Variants in MALRD1 observed in about 807,000 individuals in gnomAD.
The protein encoded by MALRD1 is MAM and LDL-receptor class A domain-containing protein 1.
In MALRD1, 247 loss-of-function variants were observed where a neutral mutation model predicts 242.1. The observed-to-expected ratio is 1.02, with a 90% CI of 0.92 to 1.13. The LOEUF is 1.13. Among genes scored for constraint, MALRD1 ranks in the 50% most tolerant of loss-of-function variants. The probability of loss-of-function intolerance (pLI) is 0.00; values close to 1 mark genes in which losing one functional copy is unlikely to be tolerated. For synonymous variants in MALRD1, 995 were observed against 866.6 expected, an observed-to-expected ratio of 1.15 and a Z score of -2.60; for missense variants, 2,989 against 2,533.1, an observed-to-expected ratio of 1.18 and a Z score of -3.86.
intron 5 of MALRD1, among the ~76,000 whole-genome samples, chr10:19,111,900 G>A (rs142095136): frequency 0.01 from 1,524 of 152,288 alleles, 7 homozygotes; most frequent in Non-Finnish European, 0.015. Flanking sequence ...AAAACATAAA[G>A]CATTATGGGA....
At chr10:19,114,067 C>G (rs969398660) in intron 5 of MALRD1, among the ~76,000 whole-genome samples, 1 of 152,028 alleles carries the variant, frequency 6.6e-6, no homozygotes, top group African/African-American at 2.4e-5. Context: ...TGCTCTATTC[C>G]ATAAAAAAGC....
intron 32 of MALRD1, among the ~76,000 whole-genome samples, chr10:19,562,369 A>G (rs1227715202): frequency 6.6e-6 from 1 of 152,048 alleles, no homozygotes; most frequent in Non-Finnish European, 1.5e-5. Context: ...ATCTAGATAG[A>G]TAGAGAACTT....
At chr10:19,728,708 T>C (rs1243115882) in intron 38 of MALRD1, among the ~76,000 whole-genome samples, 1 of 152,234 alleles carries the variant, frequency 6.6e-6, no homozygotes, top group African/African-American at 2.4e-5. Flanking sequence ...ATTTCTATTA[T>C]GTTTTGATCA....
chr10:19,368,112 A>G (rs1182100989), intron 26 of MALRD1, among the ~76,000 whole-genome samples: 1 of 151,954 alleles, frequency 6.6e-6, no homozygotes, highest in Admixed American at 6.6e-5. Context: ...TTATTTTTAT[A>G]TAATCCCATG....
chr10:19,401,718 A>T (rs10734016), intron 28 of MALRD1, among the ~76,000 whole-genome samples: 3 of 151,764 alleles, frequency 2.0e-5, no homozygotes, highest in South Asian at 4.2e-4. Context: ...ACAAGATCAC[A>T]GAGAATAAAG....
intron 28 of MALRD1, among the ~76,000 whole-genome samples, chr10:19,422,732 AT>A (rs929735755): frequency 6.6e-6 from 1 of 152,122 alleles, no homozygotes; most frequent in African/African-American, 2.4e-5. Flanking sequence ...CCTGAAGTTT[AT>A]TTTGTCTGAG....
chr10:19,302,536 G>A (rs34791488), intron 21 of MALRD1, among the ~76,000 whole-genome samples: 19,069 of 151,692 alleles, frequency 0.13, 1,227 homozygotes, highest in South Asian at 0.15. Flanking sequence ...CCAAATGCAA[G>A]GCCACATGTA....
intron 31 of MALRD1, among the ~76,000 whole-genome samples, chr10:19,508,169 A>G (rs1833228039): frequency 6.6e-6 from 1 of 152,280 alleles, no homozygotes; most frequent in South Asian, 2.1e-4. Context: ...ACTGCAATAA[A>G]GATGCTTTCA....
intron 33 of MALRD1, among the ~76,000 whole-genome samples, chr10:19,568,037 A>G (rs1301286467): frequency 6.6e-6 from 1 of 152,092 alleles, no homozygotes; most frequent in Non-Finnish European, 1.5e-5. Flanking sequence ...GTGGCTACCT[A>G]TTATCTTCCA....
chr10:19,254,494 A>G (rs1564505543), intron 18 of MALRD1, among the ~76,000 whole-genome samples: 6 of 152,016 alleles, frequency 3.9e-5, no homozygotes, highest in Admixed American at 3.9e-4. Flanking sequence ...GCCATGTCAT[A>G]TAAAAGTGTA....
intron 19 of MALRD1, among the ~76,000 whole-genome samples, chr10:19,264,747 C>T (rs1281349843): frequency 6.6e-6 from 1 of 152,130 alleles, no homozygotes; most frequent in Non-Finnish European, 1.5e-5. Flanking sequence ...GCCACCACGC[C>T]CAGCCCAGGC....
intron 12 of MALRD1, among the ~76,000 whole-genome samples, chr10:19,161,323 A>T (rs1335757498): frequency 1.2e-5 from 1 of 82,622 alleles, no homozygotes; most frequent in Non-Finnish European, 2.4e-5. Context: ...TGGACACAGG[A>T]AGGGGAATAT....
intron 31 of MALRD1, among the ~76,000 whole-genome samples, chr10:19,505,699 T>G (rs1382200881): frequency 6.6e-6 from 1 of 152,204 alleles, no homozygotes; most frequent in Non-Finnish European, 1.5e-5. Flanking sequence ...ATAGGGAAAT[T>G]GGCCCTGCTT....
intron 36 of MALRD1, among the ~76,000 whole-genome samples, chr10:19,641,531 T>A (rs1326985): frequency 0.94 from 143,516 of 152,210 alleles, 67,707 homozygotes; most frequent in East Asian, 0.98. Flanking sequence ...ACCATATTGG[T>A]CATCATTTAG....
chr10:19,098,170 G>A (rs1312743795), intron 4 of MALRD1, among the ~76,000 whole-genome samples: 1 of 152,096 alleles, frequency 6.6e-6, no homozygotes, highest in Non-Finnish European at 1.5e-5. Context: ...TCATGTAACG[G>A]TTTTATGGGT....
intron 28 of MALRD1, among the ~76,000 whole-genome samples, chr10:19,399,977 A>G (rs115023759): frequency 2.4e-3 from 360 of 152,256 alleles, no homozygotes; most frequent in African/African-American, 8.2e-3. Context: ...ACTATTTCTA[A>G]CTAACAATTC....
chr10:19,546,576 C>T (rs72780140), intron 32 of MALRD1, among the ~76,000 whole-genome samples: 2,727 of 152,318 alleles, frequency 0.018, 41 homozygotes, highest in Non-Finnish European at 0.027. Context: ...GACATATGCA[C>T]AGCTTCTTCT....
chr10:19,463,614 C>T (rs1316675392), intron 29 of MALRD1, among the ~76,000 whole-genome samples: 1 of 150,722 alleles, frequency 6.6e-6, no homozygotes, highest in Non-Finnish European at 1.5e-5. Context: ...TTTATCTACT[C>T]ATTGACTGGT....
chr10:19,142,064 C>T (rs1202882731), intron 10 of MALRD1, among the ~76,000 whole-genome samples: 3 of 149,144 alleles, frequency 2.0e-5, no homozygotes, highest in East Asian at 2.0e-4. Context: ...CCCAGCTACT[C>T]GGGAGGCTGA....
Sources: gnomAD v4.1 joint callset for allele counts (sites outside exome capture counted in the v4.1 genomes callset) on GRCh38, gnomAD v4.1.1 for gene constraint, MANE v1.5 for transcripts, NCBI Gene and HGNC (gene_info 2026-07-23, HGNC 2026-07-21) for gene names.